Variants in OR1J2 observed in about 807,000 individuals in gnomAD.
The protein encoded by OR1J2 is olfactory receptor family 1 subfamily J member 2.
For synonymous variants in OR1J2, 142 were observed against 99.7 expected (o/e 1.42, Z -2.52); for missense variants, 304 against 246.1 (o/e 1.24, Z -1.57).
chr9:122,461,695 G>C, the OR1J2 span, among the ~76,000 whole-genome samples: 1 of 152,094 alleles, frequency 6.6e-6, no homozygotes. Context: ...TCAGGAGTGG[G>C]TTATTTAATT....
chr9:122,576,441 G>A, the OR1J2 span, among the ~76,000 whole-genome samples: 15 of 150,828 alleles, frequency 9.9e-5, no homozygotes, highest in Non-Finnish European at 2.1e-4. Flanking sequence ...CGCTACATTG[G>A]CCAGGCTTGT....
the OR1J2 span, among the ~76,000 whole-genome samples, chr9:122,465,615 A>G: frequency 6.6e-6 from 1 of 152,180 alleles, no homozygotes; most frequent in Non-Finnish European, 1.5e-5. Flanking sequence ...ATATTAAGCA[A>G]TCTGAATGGG....
chr9:122,486,054 G>A, the OR1J2 span, among the ~76,000 whole-genome samples: 2 of 149,848 alleles, frequency 1.3e-5, no homozygotes, highest in East Asian at 2.0e-4. Flanking sequence ...TCTGCCTCCC[G>A]GGTTCAAGCA....
At chr9:122,492,067 A>G in the OR1J2 span, among the ~76,000 whole-genome samples, 1 of 152,126 alleles carries the variant, frequency 6.6e-6, no homozygotes. Flanking sequence ...GGCATATTGC[A>G]TAATGCTGAG....
the OR1J2 span, among the ~76,000 whole-genome samples, chr9:122,555,782 C>T: frequency 6.6e-6 from 1 of 152,140 alleles, no homozygotes; most frequent in Non-Finnish European, 1.5e-5. Context: ...CAGAAAGTTC[C>T]CATATACTTT....
At chr9:122,523,663 T>A in the OR1J2 span, among the ~76,000 whole-genome samples, 2 of 152,104 alleles carry the variant, frequency 1.3e-5, no homozygotes, top group African/African-American at 2.4e-5. Flanking sequence ...GAATGAAGGA[T>A]TGCTCTTGAT....
At chr9:122,450,646 T>C in the OR1J2 span, among the ~76,000 whole-genome samples, 2 of 152,190 alleles carry the variant, frequency 1.3e-5, no homozygotes, top group Non-Finnish European at 2.9e-5. Flanking sequence ...CTGTAATACG[T>C]TGGTGTTCAC....
At chr9:122,547,688 C>T in the OR1J2 span, among the ~76,000 whole-genome samples, 1 of 150,624 alleles carries the variant, frequency 6.6e-6, no homozygotes, top group Non-Finnish European at 1.5e-5. Context: ...TTTATCCAGT[C>T]ATTCGTTGAT....
chr9:122,489,373 C>T, the OR1J2 span, among the ~76,000 whole-genome samples: 1 of 152,072 alleles, frequency 6.6e-6, no homozygotes, highest in Non-Finnish European at 1.5e-5. Context: ...AGATACAAAA[C>T]TCACCAGACT....
At chr9:122,500,906 A>C in the OR1J2 span, among the ~76,000 whole-genome samples, 1 of 152,338 alleles carries the variant, frequency 6.6e-6, no homozygotes. Context: ...GTTACAAACT[A>C]GTTTCCGTGA....
the OR1J2 span, among the ~76,000 whole-genome samples, chr9:122,483,701 T>A: frequency 6.6e-6 from 1 of 152,256 alleles, no homozygotes; most frequent in Non-Finnish European, 1.5e-5. Context: ...CTGTGTTGTT[T>A]GTTTTAAAGG....
chr9:122,560,233 A>G, the OR1J2 span, among the ~76,000 whole-genome samples: 1 of 151,940 alleles, frequency 6.6e-6, no homozygotes, highest in Non-Finnish European at 1.5e-5. Context: ...TTTGCACGTG[A>G]GATGGATCTC....
chr9:122,490,799 T>A, the OR1J2 span, among the ~76,000 whole-genome samples: 1 of 152,160 alleles, frequency 6.6e-6, no homozygotes, highest in Non-Finnish European at 1.5e-5. Context: ...TTGAAGAATT[T>A]GCATATTACT....
At chr9:122,538,070 G>A in the OR1J2 span, among the ~76,000 whole-genome samples, 1 of 152,104 alleles carries the variant, frequency 6.6e-6, no homozygotes, top group African/African-American at 2.4e-5. Context: ...TTGTGGGCAT[G>A]TCTATGCAAG....
the OR1J2 span, among the ~76,000 whole-genome samples, chr9:122,532,928 G>T: frequency 3.9e-5 from 6 of 152,092 alleles, no homozygotes; most frequent in African/African-American, 1.4e-4. Context: ...GTTTTTATGA[G>T]AATTATGCCG....
the OR1J2 span, among the ~76,000 whole-genome samples, chr9:122,522,445 A>C: frequency 6.6e-6 from 1 of 152,214 alleles, no homozygotes; most frequent in Non-Finnish European, 1.5e-5. Context: ...AAGAGTAAAC[A>C]AAAATTATTC....
chr9:122,514,154 T>C (rs1487044213), downstream of OR1J2, among the ~76,000 whole-genome samples: 1 of 152,222 alleles, frequency 6.6e-6, no homozygotes, highest in African/African-American at 2.4e-5. Context: ...TTTCAACTTT[T>C]GTTTGACATT....
chr9:122,525,668 C>T, the OR1J2 span, among the ~76,000 whole-genome samples: 1 of 152,272 alleles, frequency 6.6e-6, no homozygotes, highest in South Asian at 2.1e-4. Context: ...TTGCACGTTT[C>T]TGACCAGCAT....
At chr9:122,575,347 T>G in the OR1J2 span, among the ~76,000 whole-genome samples, 1 of 152,166 alleles carries the variant, frequency 6.6e-6, no homozygotes, top group African/African-American at 2.4e-5. Context: ...AGTTTATTAA[T>G]TATTGAGTCA....
Sources: gnomAD v4.1 joint callset for allele counts (sites outside exome capture counted in the v4.1 genomes callset) on GRCh38, gnomAD v4.1.1 for gene constraint, MANE v1.5 for transcripts, NCBI Gene and HGNC (gene_info 2026-07-23, HGNC 2026-07-21) for gene names.